The following ARHGAP24 variants were observed in gnomAD, a reference collection of about 807,000 sequenced individuals.
ARHGAP24 encodes the protein rho GTPase-activating protein 24.
A neutral mutation model predicts 76.4 loss-of-function variants in ARHGAP24; 50 were observed. That is an observed-to-expected ratio of 0.65 (90% CI 0.52 to 0.83). The LOEUF is 0.83. ARHGAP24 is among the 40% of genes least tolerant of loss of function. ARHGAP24 has a pLI of 0.00. For missense variants in ARHGAP24, 930 were observed against 914.2 expected (o/e 1.02, Z -0.22); for synonymous variants, 345 against 323.3 (o/e 1.07, Z -0.72).
intron 8 of ARHGAP24, among the ~76,000 whole-genome samples, chr4:85,993,633 C>T (rs987198052): frequency 6.6e-6 from 1 of 152,016 alleles, no homozygotes; most frequent in African/African-American, 2.4e-5. Flanking sequence ...TGTCAAAAGC[C>T]TTTTTGCATC....
chr4:85,971,760 A>T (rs1331892251), intron 5 of ARHGAP24, among the ~76,000 whole-genome samples: 2 of 151,316 alleles, frequency 1.3e-5, no homozygotes, highest in Non-Finnish European at 2.9e-5. Flanking sequence ...CCCCACTCCC[A>T]CCCCACCCAC....
At chr4:85,856,849 A>G (rs1406125638) in intron 3 of ARHGAP24, among the ~76,000 whole-genome samples, 1 of 152,154 alleles carries the variant, frequency 6.6e-6, no homozygotes, top group East Asian at 1.9e-4. Context: ...AGTTCTCCTA[A>G]CATTTTAGTG....
At chr4:85,694,555 A>C (rs368732992) in intron 2 of ARHGAP24, among the ~76,000 whole-genome samples, 1 of 152,258 alleles carries the variant, frequency 6.6e-6, no homozygotes, top group Admixed American at 6.5e-5. Context: ...TAATTTTTAT[A>C]ATCTCTAAAT....
rs141393089 is a variant in ARHGAP24 at position 85,920,150 on chromosome 4, G to A, written c.269-3498G>A. Among the ~76,000 whole-genome samples the A allele has an allele frequency of 8.0e-3, 1,223 of 152,248 alleles. 14 individuals carry two copies. Among genetic ancestry groups the A allele is most frequent in the African/African-American group, 0.027 (1,142 of 41,556 alleles). Reference sequence around the variant, plus strand: ...TATTAGATTTAATATCTCTGGGATCGATTAATGTAATATGTACTTTTTGCA... The same window carrying A: ...TATTAGATTTAATATCTCTGGGATCAATTAATGTAATATGTACTTTTTGCA... On this transcript the variant is annotated intron_variant, in intron 3 of 9. Transcript: ENST00000395184.
chr4:85,741,036 A>T, intron 3 of ARHGAP24, among the ~76,000 whole-genome samples: 1 of 152,238 alleles, frequency 6.6e-6, no homozygotes, highest in East Asian at 1.9e-4. Flanking sequence ...TTACAAAGAA[A>T]TTGAAGCTTC....
Position 85,570,565 on chromosome 4 carries a change from G to C in ARHGAP24, c.24G>C (p.Thr8=). The C allele has an allele frequency of 6.2e-7, 1 of 1,613,928 alleles. No individual in the cohort carries two copies. The highest frequency in any genetic ancestry group is 8.5e-7 in the Non-Finnish European group (1 of 1,179,984). The change falls in exon 2 of 10, where the codon ACG becomes ACC. Residue 8 remains threonine, a synonymous_variant. Transcript: ENST00000395184. Reference sequence around the variant, plus strand: ...TAATGGAGGAGAACAATGACTCCACGGAGAACCCCCAACAAGGCCAAGGGC... The same window carrying C: ...TAATGGAGGAGAACAATGACTCCACCGAGAACCCCCAACAAGGCCAAGGGC... MEENNDS[T]ENPQQGQGRQ...
chr4:85,785,484 TG>T (rs1192865554), intron 3 of ARHGAP24, among the ~76,000 whole-genome samples: 1 of 152,178 alleles, frequency 6.6e-6, no homozygotes, highest in Non-Finnish European at 1.5e-5. Context: ...TTGTTGTTGT[TG>T]TTATTTTGTT....
At chr4:85,664,919 A>T (rs1722551935) in intron 2 of ARHGAP24, among the ~76,000 whole-genome samples, 2 of 151,894 alleles carry the variant, frequency 1.3e-5, no homozygotes, top group Non-Finnish European at 2.9e-5. Flanking sequence ...TGCTGAGGAG[A>T]GCTTTGCTTC....
At chr4:85,571,589 G>GT (rs948283862) in intron 2 of ARHGAP24, among the ~76,000 whole-genome samples, 8 of 152,104 alleles carry the variant, frequency 5.3e-5, no homozygotes, top group Non-Finnish European at 1.0e-4. Context: ...TTTGGACCAG[G>GT]TCTCTGCTTT....
chr4:85,496,413 A>G (rs1723586185), intron 1 of ARHGAP24, among the ~76,000 whole-genome samples: 1 of 152,252 alleles, frequency 6.6e-6, no homozygotes, highest in Admixed American at 6.5e-5. Flanking sequence ...GTGCACAGGA[A>G]TCCTTGCTAT....
intron 3 of ARHGAP24, among the ~76,000 whole-genome samples, chr4:85,848,148 T>C (rs1197220714): frequency 1.4e-5 from 2 of 145,498 alleles, no homozygotes; most frequent in Admixed American, 1.4e-4. Context: ...AGATACAAAG[T>C]AGCCAAATTG....
chr4:85,724,423 T>C (rs367944437), intron 3 of ARHGAP24, among the ~76,000 whole-genome samples: 1 of 150,894 alleles, frequency 6.6e-6, no homozygotes, highest in African/African-American at 2.4e-5. Context: ...ACGTACACAT[T>C]TGTGTGTGTG....
chr4:85,552,919 G>T (rs1361611587), intron 1 of ARHGAP24, among the ~76,000 whole-genome samples: 1 of 152,046 alleles, frequency 6.6e-6, no homozygotes, highest in Non-Finnish European at 1.5e-5. Flanking sequence ...AGTTCCTTCT[G>T]GTGCATTCTT....
Position 85,636,756 on chromosome 4 carries a change from T to G in ARHGAP24, c.180+66035T>G, listed in dbSNP as rs981050578. On this transcript the variant is annotated intron_variant, in intron 2 of 9. Transcript: ENST00000395184. ...AGTCTGAATTTCTCCATGAAATCTC[T>G]CCTGACAAATTCAAGGCCAATTAAT... is the stretch of plus-strand genomic sequence containing the variant. Among the ~76,000 whole-genome samples the G allele has an allele frequency of 7.2e-5, 11 of 152,180 alleles. No homozygotes were observed. In the East Asian group the frequency reaches 2.1e-3, roughly 29 times the overall value.
intron 3 of ARHGAP24, among the ~76,000 whole-genome samples, chr4:85,771,536 C>T (rs1727129924): frequency 6.6e-6 from 1 of 152,208 alleles, no homozygotes; most frequent in Admixed American, 6.5e-5. Context: ...TCTGGAAACA[C>T]AGTCACAGGC....
chr4:85,632,617 G>A (rs965529357), intron 2 of ARHGAP24, among the ~76,000 whole-genome samples: 1 of 149,538 alleles, frequency 6.7e-6, no homozygotes, highest in African/African-American at 2.6e-5. Context: ...ACACAGTGGT[G>A]ATTTAGAATT....
chr4:85,942,127 G>A lies in ARHGAP24; in HGVS notation c.453G>A (p.Leu151=), dbSNP rs1245946872. 1.2e-6 allele frequency: 2 copies of A among 1,613,888 alleles called. No homozygotes were observed. Among genetic ancestry groups the A allele is most frequent in the East Asian group, 2.2e-5 (1 of 44,896 alleles). The change falls in exon 5 of 10, where the codon CTG becomes CTA. Residue 151 remains leucine (L), a synonymous_variant. Coordinates refer to ENST00000395184, the MANE Select transcript of ARHGAP24 (RefSeq NM_001025616.3). ...VRYEKRYGNR[L]APMLVEQCVD... ...ATGAGAAGAGATATGGGAACCGTCT[G>A]GCTCCGATGTTGGTGGAGCAGTGCG...
At chr4:85,771,548 C>T (rs1727130155) in intron 3 of ARHGAP24, among the ~76,000 whole-genome samples, 3 of 152,212 alleles carry the variant, frequency 2.0e-5, no homozygotes, top group Admixed American at 2.0e-4. Context: ...GTCACAGGCA[C>T]AATCAGAAAT....
chr4:85,512,147 C>G (rs1439922916), intron 1 of ARHGAP24, among the ~76,000 whole-genome samples: 1 of 152,206 alleles, frequency 6.6e-6, no homozygotes, highest in East Asian at 1.9e-4. Flanking sequence ...CAATTCAACC[C>G]ATGTCCCATT....
Sources: gnomAD v4.1 joint callset for allele counts (sites outside exome capture counted in the v4.1 genomes callset) on GRCh38, gnomAD v4.1.1 for gene constraint, MANE v1.5 for transcripts, NCBI Gene and HGNC (gene_info 2026-07-23, HGNC 2026-07-21) for gene names.